Variants in ZNF385B observed in about 807,000 individuals in gnomAD.
ZNF385B encodes the protein zinc finger protein 385B.
In ZNF385B, 23 loss-of-function variants were observed where a neutral mutation model predicts 39.2. The observed-to-expected ratio is 0.59, with a 90% CI of 0.42 to 0.83. The LOEUF (loss-of-function observed/expected upper bound fraction) is 0.83. Ranked by LOEUF, ZNF385B falls within the 40% of genes least tolerant of loss-of-function variation. The pLI is 0.00. For synonymous variants in ZNF385B, 205 were observed against 222.6 expected (o/e 0.92, Z 0.70); for missense variants, 552 against 598.9 (o/e 0.92, Z 0.82).
chr2:179,755,455 G>A (rs1196148574), intron 3 of ZNF385B, among the ~76,000 whole-genome samples: 1 of 152,172 alleles, frequency 6.6e-6, no homozygotes, highest in Admixed American at 6.5e-5. Context: ...GGTCTGCTTG[G>A]TGCAGAGCTG....
intron 3 of ZNF385B, among the ~76,000 whole-genome samples, chr2:179,577,210 A>G (rs1047560249): frequency 2.0e-4 from 30 of 152,160 alleles, no homozygotes; most frequent in African/African-American, 6.3e-4. Flanking sequence ...ACCCAGGCCC[A>G]GGTGGACTAA....
chr2:179,815,779 T>C (rs1707026569), intron 1 of ZNF385B, among the ~76,000 whole-genome samples: 1 of 152,170 alleles, frequency 6.6e-6, no homozygotes, highest in African/African-American at 2.4e-5. Flanking sequence ...CATTTAGGAA[T>C]CCTTCATTCT....
At chr2:179,502,804 C>T (rs1024831917) in intron 5 of ZNF385B, among the ~76,000 whole-genome samples, 1 of 152,134 alleles carries the variant, frequency 6.6e-6, no homozygotes, top group Non-Finnish European at 1.5e-5. Flanking sequence ...ACATTCAATC[C>T]ATCACCAAGT....
chr2:179,613,110 C>A (rs924455738), intron 3 of ZNF385B, among the ~76,000 whole-genome samples: 2 of 152,192 alleles, frequency 1.3e-5, no homozygotes, highest in African/African-American at 4.8e-5. Flanking sequence ...TGCGGCCAAG[C>A]CTGGGATTCT....
chr2:179,445,758 G>A, intron 7 of ZNF385B, 30 bp from the exon 8 acceptor site: 8 of 1,552,934 alleles, frequency 5.2e-6, no homozygotes, highest in Non-Finnish European at 6.9e-6. Context: ...ATATTAAATA[G>A]CTATCCAAGA....
intron 5 of ZNF385B, chr2:179,513,954 C>A (rs563349743): frequency 5.9e-5 from 9 of 152,176 alleles, no homozygotes; most frequent in African/African-American, 1.9e-4. Context: ...AGATGAGAAC[C>A]AATTTAAGTG....
intron 4 of ZNF385B, among the ~76,000 whole-genome samples, chr2:179,520,900 G>T (rs954476528): frequency 1.3e-5 from 2 of 152,056 alleles, no homozygotes; most frequent in Non-Finnish European, 2.9e-5. Context: ...TAGAAATAAT[G>T]TACACTTTCC....
intron 3 of ZNF385B, among the ~76,000 whole-genome samples, chr2:179,749,476 A>G (rs1340055712): frequency 1.3e-5 from 2 of 152,150 alleles, no homozygotes; most frequent in Admixed American, 6.6e-5. Context: ...TATACCAACC[A>G]TATGGTCAGC....
intron 6 of ZNF385B, among the ~76,000 whole-genome samples, chr2:179,449,286 CA>C (rs1206915824): frequency 6.6e-6 from 1 of 152,018 alleles, no homozygotes; most frequent in Non-Finnish European, 1.5e-5. Flanking sequence ...AAAGAAGTGA[CA>C]TTTTTAAGGT....
intron 3 of ZNF385B, among the ~76,000 whole-genome samples, chr2:179,665,058 A>G (rs965342292): frequency 2.0e-5 from 3 of 152,212 alleles, no homozygotes; most frequent in African/African-American, 7.2e-5. Context: ...AATCTTGAGA[A>G]CTAGACAAAT....
intron 5 of ZNF385B, among the ~76,000 whole-genome samples, chr2:179,507,161 T>C (rs75840896): frequency 1.2e-4 from 19 of 152,334 alleles, no homozygotes; most frequent in African/African-American, 4.6e-4. Context: ...AATCCTAGAA[T>C]ATGTTGCCAA....
At chr2:179,725,943 C>CAG (rs769954996) in intron 3 of ZNF385B, among the ~76,000 whole-genome samples, 5 of 144,308 alleles carry the variant, frequency 3.5e-5, no homozygotes, top group African/African-American at 5.1e-5. Flanking sequence ...TGTGTATATA[C>CAG]AGAGAGAGAG....
In ZNF385B at chr2:179,607,169, G is replaced by A. The variant is rs139752545; in HGVS notation, c.299-62200C>T. Among the ~76,000 whole-genome samples the A allele has an allele frequency of 7.0e-3, 1,060 of 152,208 alleles. 12 individuals carry two copies. Among genetic ancestry groups the A allele is most frequent in the African/African-American group, 0.022 (895 of 41,534 alleles). On this transcript the variant is annotated intron_variant, in intron 3 of 9. Coordinates refer to ENST00000410066, the MANE Select transcript of ZNF385B (RefSeq NM_152520.6). ...TGAATAAGAATGGGCCTGAGTATTC[G>A]AGATTCACAAATGCACCACATGTAT...
intron 3 of ZNF385B, among the ~76,000 whole-genome samples, chr2:179,687,348 T>C (rs1474541135): frequency 6.6e-6 from 1 of 152,060 alleles, no homozygotes; most frequent in East Asian, 1.9e-4. Context: ...GTAATTTTTC[T>C]TCTAGTTCCA....
chr2:179,540,361 G>A (rs377478831), intron 4 of ZNF385B, among the ~76,000 whole-genome samples: 3 of 152,140 alleles, frequency 2.0e-5, no homozygotes, highest in East Asian at 3.9e-4. Flanking sequence ...CAAGAGAATC[G>A]CTTGAACCCG....
intron 8 of ZNF385B, 28 bp from the exon 9 acceptor site, chr2:179,445,005 C>A (rs754131573): frequency 6.3e-7 from 1 of 1,581,446 alleles, no homozygotes; most frequent in Non-Finnish European, 8.7e-7. Context: ...ATTAGCTGGA[C>A]TGAAATGTGA....
At chr2:179,466,943 A>AAAAG (rs1559276782) in intron 6 of ZNF385B, among the ~76,000 whole-genome samples, 5 of 146,010 alleles carry the variant, frequency 3.4e-5, no homozygotes, top group African/African-American at 7.5e-5. Context: ...AAAAAAAAAA[A>AAAAG]AGAGAGAGAG....
At chr2:179,517,592 G>T (rs2058182226) in intron 5 of ZNF385B, among the ~76,000 whole-genome samples, 1 of 152,042 alleles carries the variant, frequency 6.6e-6, no homozygotes. Context: ...AAACAAGAGA[G>T]ATTATTATTT....
rs1433100013 is a variant in ZNF385B at position 179,861,392 on chromosome 2, C to G, written c.-446G>C. ...CGCGCTGAGCGCCTGCGCACCGGGCCTCGCCCAGGTGAGGGGCGTGTGCCC... is the reference window on the plus strand; with the variant it reads ...CGCGCTGAGCGCCTGCGCACCGGGCGTCGCCCAGGTGAGGGGCGTGTGCCC... On this transcript the variant is annotated 5_prime_UTR_variant, in exon 1 of 10. Transcript: ENST00000410066. The G allele has an allele frequency of 6.7e-6, 1 of 150,170 alleles. No individual in the cohort carries two copies. 9.3% of individuals were successfully genotyped at this position (150,170 alleles called of 1,614,324 possible).
Sources: allele counts gnomAD v4.1 joint callset (sites outside exome capture counted in the v4.1 genomes callset), GRCh38; gene constraint gnomAD v4.1.1; transcripts MANE v1.5; gene names NCBI Gene and HGNC (gene_info 2026-07-23, HGNC 2026-07-21).